TNIK: variants seen among roughly 807,000 people sequenced by gnomAD.
The protein encoded by TNIK is TRAF2 and NCK-interacting protein kinase.
TNIK carries 49 observed loss-of-function variants against 191.3 expected under a neutral mutation model. The observed-to-expected ratio is 0.26, with a 90% CI of 0.20 to 0.32. The LOEUF (loss-of-function observed/expected upper bound fraction) is 0.32. Among genes scored for constraint, TNIK ranks in the 10% least tolerant of loss-of-function variants. The pLI, the probability that TNIK is intolerant of heterozygous loss-of-function variation, is 1.00. For synonymous variants in TNIK, 594 were observed against 600.9 expected, an observed-to-expected ratio of 0.99 and a Z score of 0.17; for missense variants, 1,155 against 1,702.3, an observed-to-expected ratio of 0.68 and a Z score of 5.66.
intron 2 of TNIK, among the ~76,000 whole-genome samples, chr3:171,363,652 C>A (rs541912069): frequency 0.055 from 8,429 of 152,228 alleles, 297 homozygotes; most frequent in Non-Finnish European, 0.079. Flanking sequence ...GTTATAGAAT[C>A]ACCTCCATAA....
At chr3:171,077,813 A>G (rs1720174703) in intron 28 of TNIK, among the ~76,000 whole-genome samples, 1 of 150,698 alleles carries the variant, frequency 6.6e-6, no homozygotes, top group Non-Finnish European at 1.5e-5. Context: ...ATACATATGT[A>G]TGTGTATATA....
intron 1 of TNIK, among the ~76,000 whole-genome samples, chr3:171,424,455 C>T (rs1381069896): frequency 6.6e-6 from 1 of 152,092 alleles, no homozygotes; most frequent in Non-Finnish European, 1.5e-5. Context: ...ACTAGAAATA[C>T]CATTTGACCC....
At chr3:171,111,506 GATA>G (rs1458264527) in intron 18 of TNIK, among the ~76,000 whole-genome samples, 1 of 152,154 alleles carries the variant, frequency 6.6e-6, no homozygotes, top group Admixed American at 6.5e-5. Context: ...AAAGACAAAA[GATA>G]ATGAGTGTTG....
chr3:171,421,724 ATTTTTTTTTTTT>A (rs67895255), intron 1 of TNIK, among the ~76,000 whole-genome samples: 5 of 91,354 alleles, frequency 5.5e-5, no homozygotes, highest in African/African-American at 2.5e-4. Flanking sequence ...TAGTTGTGTA[ATTTTTTTTTTTT>A]TTTTTTTTTT....
chr3:171,236,303 G>C (rs1744259409), intron 2 of TNIK, among the ~76,000 whole-genome samples: 1 of 152,136 alleles, frequency 6.6e-6, no homozygotes. Flanking sequence ...CGTGTCAGAA[G>C]CTTAAGAAAA....
chr3:171,197,956 T>C (rs868688300), intron 4 of TNIK, among the ~76,000 whole-genome samples: 2 of 152,108 alleles, frequency 1.3e-5, no homozygotes, highest in African/African-American at 4.8e-5. Flanking sequence ...AAACAAAAAC[T>C]TGTACATGAG....
intron 29 of TNIK, among the ~76,000 whole-genome samples, chr3:171,070,188 A>G (rs1337661949): frequency 6.6e-6 from 1 of 152,146 alleles, no homozygotes; most frequent in Non-Finnish European, 1.5e-5. Context: ...ATTTTTTTCC[A>G]TAAAAGTGAG....
intron 11 of TNIK, 110 bp from the exon 12 acceptor site, chr3:171,157,774 G>A (rs1419279706): frequency 3.6e-6 from 4 of 1,102,920 alleles, no homozygotes; most frequent in Non-Finnish European, 5.2e-6. Context: ...CACAGGGAAA[G>A]AAGAGCACAG....
chr3:171,193,660 A>G (rs992039412), intron 5 of TNIK, among the ~76,000 whole-genome samples: 3 of 152,174 alleles, frequency 2.0e-5, no homozygotes, highest in African/African-American at 7.2e-5. Flanking sequence ...CCCAAAGCAT[A>G]CAATCTATCT....
intron 9 of TNIK, among the ~76,000 whole-genome samples, chr3:171,170,732 C>T (rs543935770): frequency 6.6e-6 from 1 of 152,294 alleles, no homozygotes; most frequent in African/African-American, 2.4e-5. Context: ...AACACAGCAT[C>T]CGCCTTTAGG....
intron 2 of TNIK, among the ~76,000 whole-genome samples, chr3:171,295,645 T>A (rs1163103788): frequency 1.3e-5 from 2 of 152,252 alleles, no homozygotes; most frequent in Non-Finnish European, 2.9e-5. Flanking sequence ...AATTGAAAGC[T>A]CTTTCTTCCT....
At chr3:171,115,318 A>G (rs1486582628) in intron 18 of TNIK, among the ~76,000 whole-genome samples, 1 of 152,220 alleles carries the variant, frequency 6.6e-6, no homozygotes, top group African/African-American at 2.4e-5. Context: ...TGTGTTAAGC[A>G]CCAACTTTGT....
chr3:171,388,850 T>G (rs1215816721), intron 1 of TNIK, among the ~76,000 whole-genome samples: 20 of 152,200 alleles, frequency 1.3e-4, no homozygotes, highest in Admixed American at 1.3e-3. Flanking sequence ...TTTAAGTGCC[T>G]AACTCCACCT....
At chr3:171,069,174 C>T (rs1718866534) in intron 29 of TNIK, among the ~76,000 whole-genome samples, 177 bp from the exon 30 acceptor site, 1 of 152,192 alleles carries the variant, frequency 6.6e-6, no homozygotes, top group South Asian at 2.1e-4. Flanking sequence ...GGTCTAGCAT[C>T]CATTTGTGCC....
intron 12 of TNIK, among the ~76,000 whole-genome samples, chr3:171,142,004 C>G (rs1730909182): frequency 6.6e-6 from 1 of 152,192 alleles, no homozygotes; most frequent in Non-Finnish European, 1.5e-5. Context: ...CACAGATATT[C>G]AGAATGCCAG....
intron 10 of TNIK, among the ~76,000 whole-genome samples, chr3:171,164,881 A>G (rs970180044): frequency 2.6e-5 from 4 of 152,206 alleles, no homozygotes; most frequent in African/African-American, 9.7e-5. Context: ...CTTAGGGTCT[A>G]ATTGACATCT....
chr3:171,288,190 G>A, intron 2 of TNIK, among the ~76,000 whole-genome samples: 1 of 101,546 alleles, frequency 9.8e-6, no homozygotes. Flanking sequence ...AGGGGGGAGG[G>A]ATAGCATTGG....
At chr3:171,231,626 G>A (rs1743663465) in intron 2 of TNIK, among the ~76,000 whole-genome samples, 2 of 152,176 alleles carry the variant, frequency 1.3e-5, no homozygotes, top group Non-Finnish European at 2.9e-5. Flanking sequence ...TGCCCAGCAT[G>A]AGCTGCCTTT....
At chr3:171,425,030 C>T (rs1043115997) in intron 1 of TNIK, among the ~76,000 whole-genome samples, 1 of 151,454 alleles carries the variant, frequency 6.6e-6, no homozygotes, top group Non-Finnish European at 1.5e-5. Flanking sequence ...GGAATGACTA[C>T]AATCACCCAA....
Sources: allele counts gnomAD v4.1 joint callset (sites outside exome capture counted in the v4.1 genomes callset), GRCh38; gene constraint gnomAD v4.1.1; transcripts MANE v1.5; gene names NCBI Gene and HGNC (gene_info 2026-07-23, HGNC 2026-07-21).